PRIMPOL: variants seen among roughly 807,000 people sequenced by gnomAD.
PRIMPOL encodes the protein primase and DNA directed polymerase, also known as DNA-directed primase/polymerase protein.
A neutral mutation model predicts 63.6 loss-of-function variants in PRIMPOL; 54 were observed. The ratio of observed to expected loss-of-function variants is 0.85; its 90% CI spans 0.68 to 1.07. The LOEUF (loss-of-function observed/expected upper bound fraction) is 1.07, where lower values mean the gene tolerates loss of function less well. PRIMPOL is among the 50% of genes least tolerant of loss of function. PRIMPOL has a pLI of 0.00. For synonymous variants in PRIMPOL, 197 were observed against 220.2 expected, an observed-to-expected ratio of 0.89 and a Z score of 0.93; for missense variants, 610 against 648.3, an observed-to-expected ratio of 0.94 and a Z score of 0.64.
chr4:184,687,103 C>T (rs965144941), intron 11 of PRIMPOL, among the ~76,000 whole-genome samples: 1 of 152,134 alleles, frequency 6.6e-6, no homozygotes, highest in African/African-American at 2.4e-5. Context: ...TGGAATCTCA[C>T]TCCGTTGCCC....
intron 13 of PRIMPOL, among the ~76,000 whole-genome samples, chr4:184,693,272 A>T (rs1759413549): frequency 6.6e-6 from 1 of 152,228 alleles, no homozygotes. Context: ...AGTAAATTTT[A>T]AAAAATAAAC....
chr4:184,676,258 G>T (rs901520682), intron 7 of PRIMPOL, among the ~76,000 whole-genome samples: 2 of 151,126 alleles, frequency 1.3e-5, no homozygotes, highest in Non-Finnish European at 3.0e-5. Context: ...AAGTGCATAC[G>T]ACCACACTTT....
intron 13 of PRIMPOL, 133 bp downstream of exon 13, chr4:184,691,845 G>C (rs1309524150): frequency 1.5e-6 from 1 of 647,668 alleles, no homozygotes; most frequent in African/African-American, 1.8e-5. Flanking sequence ...CTGTATTATA[G>C]GAATATATTG....
chr4:184,656,668 T>C (rs1746547863), intron 2 of PRIMPOL, among the ~76,000 whole-genome samples: 1 of 152,084 alleles, frequency 6.6e-6, no homozygotes, highest in Non-Finnish European at 1.5e-5. Context: ...CAAGAATGGG[T>C]GGACAAGGTC....
intron 7 of PRIMPOL, 102 bp downstream of exon 7, chr4:184,672,562 C>A: frequency 8.4e-7 from 1 of 1,192,624 alleles, no homozygotes; most frequent in Non-Finnish European, 1.2e-6. Context: ...TTGCTTCCTC[C>A]ACTGCCCAAG....
At position 184,691,713 on chromosome 4, in the gene PRIMPOL, G is replaced by GT. The variant is rs759973728; in HGVS notation, c.1425+2dup. The GT allele has an allele frequency of 6.2e-6, 10 of 1,608,280 alleles. No individual in the cohort carries two copies. In the African/African-American group the frequency reaches 1.1e-4, roughly 18 times the overall value. On this transcript the variant is annotated splice_donor_variant, in intron 13 of 13. Transcript: ENST00000314970. LOFTEE classifies it high-confidence loss of function. ...ATGTCTCCTGTTTCTTTTCAAAGAG[G>GT]TAAGTACAGATTTTAGTGTCTTTCT...
intron 6 of PRIMPOL, among the ~76,000 whole-genome samples, chr4:184,669,448 T>A (rs1285519379): frequency 2.0e-5 from 3 of 152,242 alleles, no homozygotes; most frequent in Non-Finnish European, 4.4e-5. Flanking sequence ...GAGGAGGGAC[T>A]GCCGTCAGGG....
rs750606547 is a variant in PRIMPOL at position 184,657,318 on chromosome 4, G to T, written c.178G>T (p.Glu60Ter). The change falls in exon 3 of 14, where the codon GAA becomes TAA. Residue 60 changes from glutamate to a stop codon, truncating the protein, a stop_gained and splice_region_variant. Coordinates refer to ENST00000314970, the MANE Select transcript of PRIMPOL (RefSeq NM_152683.4). LOFTEE classifies it high-confidence loss of function. ...TTTTAATTTTGTTAAAAGCTGTAAAGAAGTAATTTCCTCCTCCTCCTCTTC... is the reference window on the plus strand; with the variant it reads ...TTTTAATTTTGTTAAAAGCTGTAAATAAGTAATTTCCTCCTCCTCCTCTTC... ...QAFNFVKSCK[E>*]DVHVFALECK... The T allele has an allele frequency of 1.2e-6, 2 of 1,604,404 alleles. No homozygotes were observed. Among genetic ancestry groups the T allele is most frequent in the Non-Finnish European group, 1.7e-6 (2 of 1,175,948 alleles).
intron 11 of PRIMPOL, among the ~76,000 whole-genome samples, chr4:184,686,916 A>G (rs1237158353): frequency 1.3e-5 from 2 of 152,250 alleles, no homozygotes; most frequent in African/African-American, 4.8e-5. Flanking sequence ...AACTGCAGCT[A>G]TCAGTTGACG....
chr4:184,657,382 T>A, intron 3 of PRIMPOL, 62 bp downstream of exon 3: 1 of 1,238,428 alleles, frequency 8.1e-7, no homozygotes, highest in Non-Finnish European at 1.1e-6. Flanking sequence ...TTCTTCTTCT[T>A]CTTCATTATA....
At chr4:184,681,762 A>G (rs1319890864) in intron 8 of PRIMPOL, among the ~76,000 whole-genome samples, 1 of 152,028 alleles carries the variant, frequency 6.6e-6, no homozygotes, top group African/African-American at 2.4e-5. Context: ...TTTAGTAGAC[A>G]GGGGTTTCAC....
At chr4:184,671,896 A>G (rs1304561078) in intron 6 of PRIMPOL, among the ~76,000 whole-genome samples, 5 of 142,542 alleles carry the variant, frequency 3.5e-5, no homozygotes, top group Admixed American at 1.4e-4. Flanking sequence ...GCGCACCACC[A>G]CGCCCTGCTA....
chr4:184,677,581 T>A (rs766107253), intron 7 of PRIMPOL, among the ~76,000 whole-genome samples: 1 of 152,198 alleles, frequency 6.6e-6, no homozygotes, highest in Admixed American at 6.5e-5. Context: ...GAAAAACAAT[T>A]CCTCTAAGTT....
At chr4:184,683,398 C>G (rs4862403) in intron 9 of PRIMPOL, among the ~76,000 whole-genome samples, 150,903 of 151,608 alleles carry the variant, frequency 1, 75,105 homozygotes, top group Middle Eastern at 1. Flanking sequence ...CTCCAGCATG[C>G]GCAACAAGAG....
At chr4:184,658,775 G>C (rs1415120733) in intron 3 of PRIMPOL, among the ~76,000 whole-genome samples, 1 of 152,006 alleles carries the variant, frequency 6.6e-6, no homozygotes, top group African/African-American at 2.4e-5. Flanking sequence ...GGGCGTGGTG[G>C]TGGGCACCTG....
At chr4:184,672,104 T>TA (rs1406704555) in intron 6 of PRIMPOL, 69 bp from the exon 7 acceptor site, 23 of 1,357,010 alleles carry the variant, frequency 1.7e-5, no homozygotes, top group Non-Finnish European at 2.2e-5. Context: ...ATATGTGGAT[T>TA]CCTGGCTAGA....
In PRIMPOL at chr4:184,691,587, T is replaced by G; in HGVS notation, c.1378+6T>G. On this transcript the variant is annotated splice_donor_region_variant and intron_variant, in intron 12 of 13. Coordinates refer to ENST00000314970, the MANE Select transcript of PRIMPOL (RefSeq NM_152683.4). ...AGAAAACTTCAAATCTGACTGTAAG[T>G]TACTAATTTTTACATTTACCACAAA... 1 of 1,601,442 alleles carries G rather than the reference T, an allele frequency of 6.2e-7. No homozygotes were observed. Among genetic ancestry groups the G allele is most frequent in the South Asian group, 1.1e-5 (1 of 90,654 alleles).
intron 11 of PRIMPOL, among the ~76,000 whole-genome samples, 180 bp downstream of exon 11, chr4:184,685,864 C>T (rs566242256): frequency 3.3e-5 from 5 of 152,102 alleles, no homozygotes; most frequent in South Asian, 4.1e-4. Context: ...TACAGTGGCG[C>T]GATCGCGGCT....
At chr4:184,662,757 GAA>G in intron 5 of PRIMPOL, among the ~76,000 whole-genome samples, 1 of 151,936 alleles carries the variant, frequency 6.6e-6, no homozygotes, top group African/African-American at 2.4e-5. Context: ...TTTTGATAAA[GAA>G]TATCTGCTAG....
Sources: allele counts gnomAD v4.1 joint callset (sites outside exome capture counted in the v4.1 genomes callset), GRCh38; gene constraint gnomAD v4.1.1; transcripts MANE v1.5; gene names NCBI Gene and HGNC (gene_info 2026-07-23, HGNC 2026-07-21).